Variants in NME9 observed in about 807,000 individuals in gnomAD.
The protein encoded by NME9 is thioredoxin domain-containing protein 6.
Under a neutral mutation model 44.4 loss-of-function variants are expected in NME9, and 48 were observed. The ratio of observed to expected loss-of-function variants is 1.08; its 90% CI spans 0.86 to 1.37. The LOEUF is 1.37. Among genes scored for constraint, NME9 ranks in the 40% most tolerant of loss-of-function variants. The pLI, the probability that NME9 is intolerant of heterozygous loss-of-function variation, is 0.00. For synonymous variants in NME9, 139 were observed against 147.1 expected (o/e 0.94, Z 0.40); for missense variants, 325 against 405.2 (o/e 0.80, Z 1.70).
At chr3:138,276,775 A>G (rs1042262144) in intron 8 of NME9, among the ~76,000 whole-genome samples, 1 of 152,186 alleles carries the variant, frequency 6.6e-6, no homozygotes, top group South Asian at 2.1e-4. Flanking sequence ...ACCCAAATAA[A>G]TGGAGAGATA....
At chr3:138,287,837 T>A in intron 8 of NME9, 1 of 319,142 alleles carries the variant, frequency 3.1e-6, no homozygotes, top group Non-Finnish European at 6.3e-6. Context: ...CAGATGTGCA[T>A]AAATTATTTG....
At position 138,303,446 on chromosome 3, in the gene NME9, A is replaced by C. The variant is rs147930993; in HGVS notation, c.928+61T>G. 6.5e-5 allele frequency: 89 copies of C among 1,368,758 alleles called. No individual in the cohort carries two copies. In the Middle Eastern group the frequency reaches 1.6e-3, roughly 24 times the overall value. 84.8% of individuals were successfully genotyped at this position (1,368,758 alleles called of 1,614,324 possible). A position where few individuals can be genotyped will look rare whatever the true frequency, so the allele number is the denominator to read the frequency against. On this transcript the variant is annotated intron_variant, in intron 10 of 10. Coordinates refer to ENST00000333911, the MANE Select transcript of NME9 (RefSeq NM_001349018.2). ...ATCAATCCCCCACACACTCAAGCAC[A>C]TAGTTACAAATTCCTTGTATCTATG...
intron 8 of NME9, among the ~76,000 whole-genome samples, chr3:138,264,636 T>C (rs937721726): frequency 2.0e-5 from 3 of 151,738 alleles, no homozygotes; most frequent in African/African-American, 7.3e-5. Context: ...GTCAGGCTGG[T>C]CTTGAACTCC....
chr3:138,264,412 C>CTTTTTTTTTTTT (rs11298899), intron 8 of NME9, among the ~76,000 whole-genome samples: 26 of 48,636 alleles, frequency 5.3e-4, no homozygotes, highest in Non-Finnish European at 6.9e-4. Context: ...GATTTTCTTT[C>CTTTTTTTTTTTT]TTTTTTTTTT....
downstream of NME9, chr3:138,298,349 T>C (rs1394071317): frequency 6.6e-6 from 1 of 152,186 alleles, no homozygotes; most frequent in Admixed American, 6.5e-5. Flanking sequence ...TTTTAACACA[T>C]GCTAATAAAA....
chr3:138,280,924 A>T (rs1298159555), intron 8 of NME9, among the ~76,000 whole-genome samples: 1 of 152,216 alleles, frequency 6.6e-6, no homozygotes, highest in Non-Finnish European at 1.5e-5. Flanking sequence ...CACCGCACCC[A>T]GCCTGTTCTC....
intron 8 of NME9, among the ~76,000 whole-genome samples, chr3:138,284,254 G>A (rs1164326576): frequency 6.6e-6 from 1 of 152,204 alleles, no homozygotes; most frequent in Non-Finnish European, 1.5e-5. Context: ...GGTAGATTTT[G>A]TTTGGGTGTG....
intron 8 of NME9, among the ~76,000 whole-genome samples, chr3:138,292,459 G>A (rs2051054610): frequency 6.6e-6 from 1 of 152,220 alleles, no homozygotes; most frequent in African/African-American, 2.4e-5. Flanking sequence ...AAGGGAGTGG[G>A]GGGATTAGTA....
chr3:138,281,629 G>T (rs1415907212), intron 8 of NME9, among the ~76,000 whole-genome samples: 1 of 151,996 alleles, frequency 6.6e-6, no homozygotes, highest in Admixed American at 6.6e-5. Flanking sequence ...GTCTCCATAG[G>T]AATATTTACA....
downstream of NME9, chr3:138,297,603 C>G (rs1261399447): frequency 6.6e-6 from 1 of 152,188 alleles, no homozygotes; most frequent in Non-Finnish European, 1.5e-5. Context: ...TGCAATTTTT[C>G]CTGCTCTCAA....
At chr3:138,298,136 G>A (rs1373365197), downstream of NME9, 1 of 152,226 alleles carries the variant, frequency 6.6e-6, no homozygotes, top group Non-Finnish European at 1.5e-5. Flanking sequence ...GGGAAGAGTG[G>A]ACATGGTATT....
intron 8 of NME9, among the ~76,000 whole-genome samples, chr3:138,276,319 T>C (rs1338082368): frequency 6.6e-6 from 1 of 152,206 alleles, no homozygotes; most frequent in Non-Finnish European, 1.5e-5. Context: ...ATACAGTGTT[T>C]CAGTTTTGAC....
intron 8 of NME9, chr3:138,264,219 A>AG: frequency 6.2e-7 from 1 of 1,612,778 alleles, no homozygotes; most frequent in Non-Finnish European, 8.5e-7. Context: ...GAAGGTAAGA[A>AG]GAAAGGGTCA....
chr3:138,286,237 C>T (rs554386521), intron 8 of NME9, among the ~76,000 whole-genome samples: 1 of 152,292 alleles, frequency 6.6e-6, no homozygotes, highest in Admixed American at 6.5e-5. Flanking sequence ...GCCACTGCGC[C>T]CAACCTTCAA....
intron 8 of NME9, among the ~76,000 whole-genome samples, chr3:138,282,059 C>T (rs978160277): frequency 2.6e-4 from 40 of 152,176 alleles, no homozygotes; most frequent in Admixed American, 7.2e-4. Context: ...GCCCCCGCTC[C>T]TACTTCTCAG....
At chr3:138,297,776 C>G (rs375216090), downstream of NME9, 3 of 152,156 alleles carry the variant, frequency 2.0e-5, no homozygotes, top group East Asian at 5.8e-4. Flanking sequence ...GGGAAGAAAG[C>G]CTCAGGCCCA....
At chr3:138,329,113 T>C (rs1245346954) in intron 1 of NME9, among the ~76,000 whole-genome samples, 190 bp downstream of exon 1, 1 of 152,214 alleles carries the variant, frequency 6.6e-6, no homozygotes, top group African/African-American at 2.4e-5. Flanking sequence ...TGCGTAAAAT[T>C]TGTCATCACT....
intron 2 of NME9, among the ~76,000 whole-genome samples, chr3:138,322,333 G>A (rs954931888): frequency 1.4e-5 from 2 of 141,216 alleles, no homozygotes; most frequent in African/African-American, 5.1e-5. Flanking sequence ...AGGAGTGGTA[G>A]GCACAAAGGC....
chr3:138,288,800 G>A (rs868722316), intron 8 of NME9, among the ~76,000 whole-genome samples: 7 of 152,046 alleles, frequency 4.6e-5, no homozygotes, highest in Middle Eastern at 6.8e-3. Context: ...ACTACACCCG[G>A]CAAATTTTTG....
Sources: allele counts gnomAD v4.1 joint callset (sites outside exome capture counted in the v4.1 genomes callset), GRCh38; gene constraint gnomAD v4.1.1; transcripts MANE v1.5; gene names NCBI Gene and HGNC (gene_info 2026-07-23, HGNC 2026-07-21).